WDR64: variants seen among roughly 807,000 people sequenced by gnomAD.
The protein encoded by WDR64 is WD repeat-containing protein 64.
A neutral mutation model predicts 139.3 loss-of-function variants in WDR64; 112 were observed. The ratio of observed to expected loss-of-function variants is 0.80; its 90% CI spans 0.69 to 0.94. The LOEUF (loss-of-function observed/expected upper bound fraction) is 0.94. Ranked by LOEUF, WDR64 falls within the 40% of genes least tolerant of loss-of-function variation. The pLI, the probability that WDR64 is intolerant of heterozygous loss-of-function variation, is 0.00. For synonymous variants in WDR64, 444 were observed against 437.7 expected (o/e 1.01, Z -0.18); for missense variants, 1,206 against 1,293.1 (o/e 0.93, Z 1.03).
intron 2 of WDR64, among the ~76,000 whole-genome samples, chr1:241,667,804 C>A (rs1219896460): frequency 6.6e-6 from 1 of 152,150 alleles, no homozygotes; most frequent in Non-Finnish European, 1.5e-5. Context: ...AAAATGAGAG[C>A]CATACTGGAC....
Position 241,790,555 on chromosome 1 carries a change from A to T in WDR64, c.2892-36A>T, listed in dbSNP as rs1553382467. The T allele has an allele frequency of 3.3e-6, 5 of 1,501,034 alleles. No individual in the cohort carries two copies. The South Asian group carries it at 6.0e-5, about 18-fold the overall frequency. The allele number at this position is 1,501,034 out of a possible 1,614,324, so 93.0% of individuals were successfully genotyped here. On this transcript the variant is annotated intron_variant, in intron 24 of 27. Coordinates refer to ENST00000437684, the MANE Select transcript of WDR64 (RefSeq NM_001367482.1). ...GTTTAGTTGGCAGAGAATAAAAGGTATGGGTATGTACTTATTCTTGTATCT... is the reference window on the plus strand; with the variant it reads ...GTTTAGTTGGCAGAGAATAAAAGGTTTGGGTATGTACTTATTCTTGTATCT...
intron 25 of WDR64, among the ~76,000 whole-genome samples, chr1:241,791,542 T>C (rs920290263): frequency 6.6e-6 from 1 of 151,930 alleles, no homozygotes; most frequent in African/African-American, 2.4e-5. Flanking sequence ...ATGGTGACAG[T>C]CCACCTGTCG....
chr1:241,679,751 A>C (rs1395224083), intron 6 of WDR64, among the ~76,000 whole-genome samples, 156 bp downstream of exon 6: 1 of 152,116 alleles, frequency 6.6e-6, no homozygotes, highest in Non-Finnish European at 1.5e-5. Flanking sequence ...CAGCATGTAT[A>C]CTCTCTAATT....
chr1:241,711,236 C>CA (rs34264828), intron 8 of WDR64, among the ~76,000 whole-genome samples: 79,870 of 139,162 alleles, frequency 0.57, 23,014 homozygotes, highest in Middle Eastern at 0.68. Flanking sequence ...GACCTTGTCT[C>CA]AAAAAAAAAA....
intron 1 of WDR64, among the ~76,000 whole-genome samples, chr1:241,658,077 A>G (rs1403669522): frequency 6.6e-6 from 1 of 152,196 alleles, no homozygotes; most frequent in Non-Finnish European, 1.5e-5. Context: ...GAGGGCAGGG[A>G]TCTTGCTTAT....
chr1:241,712,141 C>T (rs114149095), intron 9 of WDR64, among the ~76,000 whole-genome samples: 1,615 of 152,234 alleles, frequency 0.011, 29 homozygotes, highest in African/African-American at 0.037. Context: ...ACCTTTAGAG[C>T]TTTAATCCAT....
At chr1:241,772,685 AC>A (rs35632793) in intron 19 of WDR64, 106 bp from the exon 20 acceptor site, 264,389 of 1,175,780 alleles carry the variant, frequency 0.22, 32,158 homozygotes, top group East Asian at 0.45. Context: ...CTGATCTGGA[AC>A]TCCTGACCTC....
chr1:241,714,088 G>C (rs756579816), intron 9 of WDR64, among the ~76,000 whole-genome samples: 1 of 152,210 alleles, frequency 6.6e-6, no homozygotes, highest in Non-Finnish European at 1.5e-5. Flanking sequence ...GGAGATGAAT[G>C]ATGTCAGGGC....
chr1:241,771,933 CATACATACATACATATAT>C (rs1181081223), intron 19 of WDR64, among the ~76,000 whole-genome samples: 2 of 73,490 alleles, frequency 2.7e-5, no homozygotes, highest in African/African-American at 8.6e-5. Flanking sequence ...CATACATATA[CATACATACATACATATAT>C]ATATATATAT....
intron 8 of WDR64, among the ~76,000 whole-genome samples, chr1:241,708,602 C>T (rs540096924): frequency 3.9e-5 from 6 of 152,246 alleles, no homozygotes; most frequent in South Asian, 2.1e-4. Flanking sequence ...GCATGAGCCA[C>T]TGCACCCAGC....
At chr1:241,723,879 C>A (rs7554126) in intron 10 of WDR64, among the ~76,000 whole-genome samples, 59,056 of 151,696 alleles carry the variant, frequency 0.39, 12,271 homozygotes, top group African/African-American at 0.49. Context: ...GAGATCAATA[C>A]AATCAACTTT....
chr1:241,687,565 T>C lies in WDR64; in HGVS notation c.944T>C (p.Leu315Ser). The C allele has an allele frequency of 6.2e-7, 1 of 1,613,700 alleles. No individual in the cohort carries two copies. Among genetic ancestry groups the C allele is most frequent in the Non-Finnish European group, 8.5e-7 (1 of 1,179,740 alleles). ...TTAGACAGTAATCATTCATTAGTTT[T>C]GGAATCCTTGAAGAGACTCGAGGAT... is the stretch of plus-strand genomic sequence containing the variant. Reference protein sequence around the residue: ...CSLDSNHSLVLESLKRLEDNL... With the variant: ...CSLDSNHSLVSESLKRLEDNL... Residue 315 changes from leucine to serine, a missense_variant, in exon 8 of 28, where the codon TTG (leucine) becomes TCG (serine). By Grantham distance (145) the Leu-to-Ser change is moderately radical. Transcript: ENST00000437684.
Position 241,703,287 on chromosome 1 carries a change from C to G in WDR64, c.975-8515C>G, listed in dbSNP as rs965506264. On this transcript the variant is annotated intron_variant, in intron 8 of 27. Transcript: ENST00000437684. The surrounding 1 kb of genome is among the most constrained non-coding windows in gnomAD (Gnocchi z 5.9). ...ATTGCCTTCCATTCAGTGAACAACC[C>G]CTATCGTGTAACACATGCCCCCTGA... is the stretch of plus-strand genomic sequence containing the variant. 6.6e-6 allele frequency among the ~76,000 whole-genome samples: 1 copy of G among 152,052 alleles called. No homozygotes were observed. Among genetic ancestry groups the G allele is most frequent in the Non-Finnish European group, 1.5e-5 (1 of 68,024 alleles).
At chr1:241,689,925 C>CA (rs1008741857) in intron 8 of WDR64, among the ~76,000 whole-genome samples, 8 of 150,038 alleles carry the variant, frequency 5.3e-5, no homozygotes, top group Non-Finnish European at 8.9e-5. Flanking sequence ...CAAAACAAAA[C>CA]AAAAAAAACC....
intron 9 of WDR64, among the ~76,000 whole-genome samples, chr1:241,720,911 G>A (rs546977428): frequency 1.3e-5 from 2 of 152,204 alleles, no homozygotes; most frequent in East Asian, 3.9e-4. Context: ...TTTCTTCTAG[G>A]TCTTTTATGG....
At chr1:241,671,275 G>T in intron 3 of WDR64, 99 bp downstream of exon 3, 1 of 885,686 alleles carries the variant, frequency 1.1e-6, no homozygotes, top group Non-Finnish European at 1.7e-6. Flanking sequence ...TTCATTTTAT[G>T]TATTTGTTCA....
At chr1:241,705,345 TC>T (rs1667896130) in intron 8 of WDR64, among the ~76,000 whole-genome samples, 1 of 151,536 alleles carries the variant, frequency 6.6e-6, no homozygotes, top group African/African-American at 2.4e-5. Flanking sequence ...ATCGAGACCA[TC>T]CCGGCTAACA....
intron 7 of WDR64, among the ~76,000 whole-genome samples, chr1:241,685,847 TA>T (rs1467666597): frequency 1.3e-5 from 2 of 152,200 alleles, no homozygotes; most frequent in African/African-American, 4.8e-5. Flanking sequence ...TATATACTAT[TA>T]AGCATTTCAT....
At chr1:241,658,679 C>T (rs1331557047) in intron 1 of WDR64, among the ~76,000 whole-genome samples, 1 of 151,002 alleles carries the variant, frequency 6.6e-6, no homozygotes, top group Non-Finnish European at 1.5e-5. Flanking sequence ...TTGCTCACTT[C>T]CACCTTCCGC....
Sources: gnomAD v4.1 joint callset for allele counts (sites outside exome capture counted in the v4.1 genomes callset) on GRCh38, gnomAD v4.1.1 for gene constraint, Gnocchi (gnomAD v3.1) non-coding constraint, MANE v1.5 for transcripts, NCBI Gene and HGNC (gene_info 2026-07-23, HGNC 2026-07-21) for gene names.